SMIM10L1: variants seen among roughly 807,000 people sequenced by gnomAD.
The protein encoded by SMIM10L1 is small integral membrane protein 10 like 1.
Under a neutral mutation model 4.5 loss-of-function variants are expected in SMIM10L1, and 6 were observed. The observed-to-expected ratio is 1.33, with a 90% CI of 0.73 to 2.62. The LOEUF (loss-of-function observed/expected upper bound fraction) is 2.62, where lower values mean the gene tolerates loss of function less well. SMIM10L1 is among the 30% of genes most tolerant of loss of function. The probability of loss-of-function intolerance (pLI) is 0.00; values close to 1 mark genes in which losing one functional copy is unlikely to be tolerated. For missense variants in SMIM10L1, 66 were observed against 86.2 expected (o/e 0.77, Z 0.93); for synonymous variants, 49 against 42.2 (o/e 1.16, Z -0.63).
rs1177101396 is a variant in SMIM10L1, at chr12:11,172,540, G to A, written c.*977G>A. 6.6e-6 allele frequency: 1 copy of A among 152,084 alleles called. No homozygotes were observed. Among genetic ancestry groups the A allele is most frequent in the East Asian group, 1.9e-4 (1 of 5,190 alleles). The allele number at this position is 152,084 out of a possible 1,614,324, so 9.4% of individuals were successfully genotyped here. ...TCTAAAACGGTAATATATTAAAGAG[G>A]GAGAGTGGTAGGGGAGAACAGTATG... On this transcript the variant is annotated 3_prime_UTR_variant, in exon 1 of 1. Coordinates refer to ENST00000622602, the MANE Select transcript of SMIM10L1 (RefSeq NM_001271592.2).
In SMIM10L1 at chr12:11,175,400, A is replaced by G. The variant is rs1376304765; in HGVS notation, c.*3837A>G. The G allele has an allele frequency of 1.5e-4, 23 of 152,324 alleles. No individual in the cohort carries two copies. Among genetic ancestry groups the G allele is most frequent in the Non-Finnish European group, 5.9e-5 (4 of 68,016 alleles). The allele number at this position is 152,324 out of a possible 1,614,324, so 9.4% of individuals were successfully genotyped here. On this transcript the variant is annotated 3_prime_UTR_variant, in exon 1 of 1. Coordinates refer to ENST00000622602, the MANE Select transcript of SMIM10L1 (RefSeq NM_001271592.2). Reference sequence around the variant, plus strand: ...GCTTTTAATGGGAGATCTTTCTGGCAGGACATCAATAGCTTTTGATAGCGT... The same window carrying G: ...GCTTTTAATGGGAGATCTTTCTGGCGGGACATCAATAGCTTTTGATAGCGT...
At position 11,174,035 on chromosome 12, in the gene SMIM10L1, G is replaced by A. The variant is rs931234794; in HGVS notation, c.*2472G>A. On this transcript the variant is annotated 3_prime_UTR_variant, in exon 1 of 1. Transcript: ENST00000622602. ...TAAAGTTACAGCTTACATTTACCTC[G>A]TAATATATGTATATATATATATTAG... The A allele has an allele frequency of 1.2e-4, 17 of 142,608 alleles. No individual in the cohort carries two copies. The highest frequency in any genetic ancestry group is 4.4e-4 in the South Asian group (2 of 4,534). 8.8% of individuals were successfully genotyped at this position (142,608 alleles called of 1,614,324 possible).
In SMIM10L1 at chr12:11,172,095, A is replaced by C. The variant is rs1947868127; in HGVS notation, c.*532A>C. 1.3e-5 allele frequency: 2 copies of C among 152,232 alleles called. No homozygotes were observed. The highest frequency in any genetic ancestry group is 2.4e-5 in the African/African-American group (1 of 41,466). 9.4% of individuals were successfully genotyped at this position (152,232 alleles called of 1,614,324 possible). The stretch of plus-strand genomic sequence containing the variant: ...TGTACAGGAAAATCATCCTCCAAGT[A>C]CCAGACATAAAATGCTGCAAGCTTT... On this transcript the variant is annotated 3_prime_UTR_variant, in exon 1 of 1. Transcript: ENST00000622602.
At position 11,172,878 on chromosome 12, in the gene SMIM10L1, A is replaced by C. The variant is rs563672928; in HGVS notation, c.*1315A>C. ...TACTGATTTTACAACAAATGATTCT[A>C]TAACGCTGGGAGGATGGGAGAAAAG... On this transcript the variant is annotated 3_prime_UTR_variant, in exon 1 of 1. Coordinates refer to ENST00000622602, the MANE Select transcript of SMIM10L1 (RefSeq NM_001271592.2). The C allele has an allele frequency of 6.6e-6, 1 of 152,236 alleles. No individual in the cohort carries two copies. The highest frequency in any genetic ancestry group is 6.5e-5 in the Admixed American group (1 of 15,286). 9.4% of individuals were successfully genotyped at this position (152,236 alleles called of 1,614,324 possible). A position where few individuals can be genotyped will look rare whatever the true frequency, so the allele number is the denominator to read the frequency against.
rs1464887320 is a variant in SMIM10L1, at chr12:11,174,419, CAT to C, written c.*2861_*2862del. On this transcript the variant is annotated 3_prime_UTR_variant, in exon 1 of 1. Coordinates refer to ENST00000622602, the MANE Select transcript of SMIM10L1 (RefSeq NM_001271592.2). ...CATAGTCAGCAGTCAATAAAGGAAA[CAT>C]ATATTCGTTCCTGATAATAAGATGA... The C allele has an allele frequency of 3.3e-5, 5 of 152,052 alleles. No individual in the cohort carries two copies. Among genetic ancestry groups the C allele is most frequent in the African/African-American group, 7.2e-5 (3 of 41,406 alleles). The allele number at this position is 152,052 out of a possible 1,614,324, so 9.4% of individuals were successfully genotyped here.
chr12:11,173,160 A>G lies in SMIM10L1; in HGVS notation c.*1597A>G, dbSNP rs1947892700. The G allele has an allele frequency of 6.6e-6, 1 of 152,088 alleles. No individual in the cohort carries two copies. The highest frequency in any genetic ancestry group is 1.5e-5 in the Non-Finnish European group (1 of 68,014). 9.4% of individuals were successfully genotyped at this position (152,088 alleles called of 1,614,324 possible). A position where few individuals can be genotyped will look rare whatever the true frequency, so the allele number is the denominator to read the frequency against. ...AAATAGTTGCATTGTTCTATATTCC[A>G]CTCATTGTGTCCAGCAAACAGTGTT... On this transcript the variant is annotated 3_prime_UTR_variant, in exon 1 of 1. Coordinates refer to ENST00000622602, the MANE Select transcript of SMIM10L1 (RefSeq NM_001271592.2).
rs1231682325 is a variant in SMIM10L1, at chr12:11,173,001, CTAA to C, written c.*1445_*1447del. ...ACATGTTTTCTTCGGATTAAAAAAA[CTAA>C]TAATAAATCACCAAGAGTGGTAAAG... On this transcript the variant is annotated 3_prime_UTR_variant, in exon 1 of 1. Transcript: ENST00000622602. The C allele has an allele frequency of 6.6e-6, 1 of 150,804 alleles. No homozygotes were observed. Among genetic ancestry groups the C allele is most frequent in the Non-Finnish European group, 1.5e-5 (1 of 67,750 alleles). The allele number at this position is 150,804 out of a possible 1,614,324, so 9.3% of individuals were successfully genotyped here. A position where few individuals can be genotyped will look rare whatever the true frequency, so the allele number is the denominator to read the frequency against.
rs1306180264 is a variant in SMIM10L1, at chr12:11,173,560, T to G, written c.*1997T>G. The G allele has an allele frequency of 6.6e-6, 1 of 152,172 alleles. No homozygotes were observed. The highest frequency in any genetic ancestry group is 2.4e-5 in the African/African-American group (1 of 41,450). 9.4% of individuals were successfully genotyped at this position (152,172 alleles called of 1,614,324 possible). On this transcript the variant is annotated 3_prime_UTR_variant, in exon 1 of 1. Transcript: ENST00000622602. ...AATATCAGAAGTGTAGTTTAATCAA[T>G]GAAATAGTAATACCAAGGGATTTAG...
chr12:11,171,774 A>G lies in SMIM10L1; in HGVS notation c.*211A>G, dbSNP rs1947859001. 2 of 385,216 alleles carry G rather than the reference A, an allele frequency of 5.2e-6. No individual in the cohort carries two copies. The highest frequency in any genetic ancestry group is 3.7e-5 in the East Asian group (1 of 26,986). 23.9% of individuals were successfully genotyped at this position (385,216 alleles called of 1,614,324 possible). A position where few individuals can be genotyped will look rare whatever the true frequency, so the allele number is the denominator to read the frequency against. On this transcript the variant is annotated 3_prime_UTR_variant, in exon 1 of 1. Coordinates refer to ENST00000622602, the MANE Select transcript of SMIM10L1 (RefSeq NM_001271592.2). ...AGAAAGAGAATACGCTGTTCCGGAA[A>G]CAGAACTGCAGTTAAGACCCTCGAA...
Position 11,171,745 on chromosome 12 carries a change from C to T in SMIM10L1, c.*182C>T, listed in dbSNP as rs1047709. On this transcript the variant is annotated 3_prime_UTR_variant, in exon 1 of 1. Transcript: ENST00000622602. ...CAGGGGGCGGCCGGGAGCCTACAAT[C>T]CCTAGAAAGAGAATACGCTGTTCCG... 229,854 of 402,994 alleles carry T rather than the reference C, an allele frequency of 0.57. 69,373 individuals carry two copies. The highest frequency in any genetic ancestry group is 0.75 in the East Asian group (20,914 of 27,834). 25.0% of individuals were successfully genotyped at this position (402,994 alleles called of 1,614,324 possible). A position where few individuals can be genotyped will look rare whatever the true frequency, so the allele number is the denominator to read the frequency against.
chr12:11,171,332 C>T lies in SMIM10L1; in HGVS notation c.-25C>T. 1 of 1,227,984 alleles carries T rather than the reference C, an allele frequency of 8.1e-7. No individual in the cohort carries two copies. The allele number at this position is 1,227,984 out of a possible 1,614,324, so 76.1% of individuals were successfully genotyped here. ...CCTGCGGCAACCCTCGCTACAGACGCTGGGCGGGCGGCGACACCTGGCTCA... is the reference window on the plus strand; with the variant it reads ...CCTGCGGCAACCCTCGCTACAGACGTTGGGCGGGCGGCGACACCTGGCTCA... On this transcript the variant is annotated 5_prime_UTR_variant, in exon 1 of 1. Transcript: ENST00000622602.
chr12:11,174,623 C>T lies in SMIM10L1; in HGVS notation c.*3060C>T, dbSNP rs1198138611. The T allele has an allele frequency of 6.8e-6, 1 of 147,478 alleles. No individual in the cohort carries two copies. Among genetic ancestry groups the T allele is most frequent in the Non-Finnish European group, 1.5e-5 (1 of 67,036 alleles). 9.1% of individuals were successfully genotyped at this position (147,478 alleles called of 1,614,324 possible). A position where few individuals can be genotyped will look rare whatever the true frequency, so the allele number is the denominator to read the frequency against. Reference sequence around the variant, plus strand: ...AACGATGCGTTACAGCTTATTTTAACTATAAAAGGAAAACAGTGAACATAG... The same window carrying T: ...AACGATGCGTTACAGCTTATTTTAATTATAAAAGGAAAACAGTGAACATAG... On this transcript the variant is annotated 3_prime_UTR_variant, in exon 1 of 1. Coordinates refer to ENST00000622602, the MANE Select transcript of SMIM10L1 (RefSeq NM_001271592.2).
rs1230310977 is a variant in SMIM10L1 at position 11,172,988 on chromosome 12, C to T, written c.*1425C>T. 1.3e-5 allele frequency: 2 copies of T among 151,006 alleles called. No individual in the cohort carries two copies. Among genetic ancestry groups the T allele is most frequent in the African/African-American group, 2.4e-5 (1 of 41,028 alleles). The allele number at this position is 151,006 out of a possible 1,614,324, so 9.4% of individuals were successfully genotyped here. A position where few individuals can be genotyped will look rare whatever the true frequency, so the allele number is the denominator to read the frequency against. On this transcript the variant is annotated 3_prime_UTR_variant, in exon 1 of 1. Coordinates refer to ENST00000622602, the MANE Select transcript of SMIM10L1 (RefSeq NM_001271592.2). Reference sequence around the variant, plus strand: ...AAAAGGAGTATACACATGTTTTCTTCGGATTAAAAAAACTAATAATAAATC... The same window carrying T: ...AAAAGGAGTATACACATGTTTTCTTTGGATTAAAAAAACTAATAATAAATC...
chr12:11,171,558 A>G lies in SMIM10L1; in HGVS notation c.202A>G (p.Ile68Val). ...CCTCAACATCCGATTGCAGGTACAT[A>G]TTTAGAGCCATGACTAAGCTAACGG... ...VILNIRLQVH[I>V] The change falls in exon 1 of 1, where the codon ATT (isoleucine) becomes GTT (valine). Residue 68 changes from isoleucine (I) to valine (V), a missense_variant. Ile to Val is a conservative substitution (Grantham distance 29). Transcript: ENST00000622602. The G allele has an allele frequency of 9.7e-6, 12 of 1,232,040 alleles. No homozygotes were observed. Among genetic ancestry groups the G allele is most frequent in the Non-Finnish European group, 1.1e-5 (11 of 987,968 alleles). The allele number at this position is 1,232,040 out of a possible 1,614,324, so 76.3% of individuals were successfully genotyped here.
Position 11,173,349 on chromosome 12 carries a change from T to G in SMIM10L1, c.*1786T>G, listed in dbSNP as rs2136496452. 1 of 152,306 alleles carries G rather than the reference T, an allele frequency of 6.6e-6. No homozygotes were observed. Among genetic ancestry groups the G allele is most frequent in the East Asian group, 1.9e-4 (1 of 5,178 alleles). The allele number at this position is 152,306 out of a possible 1,614,324, so 9.4% of individuals were successfully genotyped here. On this transcript the variant is annotated 3_prime_UTR_variant, in exon 1 of 1. Transcript: ENST00000622602. ...GATACTCTGTGTTTTAAAGCTAAGC[T>G]TAGGTGGCGCTTTTTCCATTAAATT...
rs1375793708 is a variant in SMIM10L1 at position 11,171,585 on chromosome 12, C to T, written c.*22C>T. The T allele has an allele frequency of 1.6e-6, 2 of 1,229,478 alleles. No individual in the cohort carries two copies. The highest frequency in any genetic ancestry group is 1.6e-5 in the African/African-American group (1 of 64,366). 76.2% of individuals were successfully genotyped at this position (1,229,478 alleles called of 1,614,324 possible). On this transcript the variant is annotated 3_prime_UTR_variant, in exon 1 of 1. Coordinates refer to ENST00000622602, the MANE Select transcript of SMIM10L1 (RefSeq NM_001271592.2). ...TTAGAGCCATGACTAAGCTAACGGCCTCCGGGGCCAGCATGATGGCCGACT... is the reference window on the plus strand; with the variant it reads ...TTAGAGCCATGACTAAGCTAACGGCTTCCGGGGCCAGCATGATGGCCGACT...
Position 11,173,837 on chromosome 12 carries a change from T to A in SMIM10L1, c.*2274T>A, listed in dbSNP as rs1947907762. ...GGGAAGACACTATATCCTATTCAAT[T>A]TTACACCCGGTAGTAACAGTATGTG... On this transcript the variant is annotated 3_prime_UTR_variant, in exon 1 of 1. Transcript: ENST00000622602. 1.3e-5 allele frequency: 2 copies of A among 152,012 alleles called. No individual in the cohort carries two copies. Among genetic ancestry groups the A allele is most frequent in the Admixed American group, 1.3e-4 (2 of 15,248 alleles). 9.4% of individuals were successfully genotyped at this position (152,012 alleles called of 1,614,324 possible).
At position 11,171,698 on chromosome 12, in the gene SMIM10L1, C is replaced by G. The variant is rs1457963937; in HGVS notation, c.*135C>G. On this transcript the variant is annotated 3_prime_UTR_variant, in exon 1 of 1. Coordinates refer to ENST00000622602, the MANE Select transcript of SMIM10L1 (RefSeq NM_001271592.2). ...CTCAGGCGCTCTTCGTGGCTGCCCT[C>G]TTAGCTGCTAGCGGAGCTCCTCAGG... is the stretch of plus-strand genomic sequence containing the variant. The G allele has an allele frequency of 1.7e-6, 1 of 580,138 alleles. No homozygotes were observed. Among genetic ancestry groups the G allele is most frequent in the Non-Finnish European group, 2.5e-6 (1 of 392,942 alleles). The allele number at this position is 580,138 out of a possible 1,614,324, so 35.9% of individuals were successfully genotyped here.
chr12:11,175,682 T>G lies in SMIM10L1; in HGVS notation c.*4119T>G, dbSNP rs1947936915. 6.6e-6 allele frequency: 1 copy of G among 152,194 alleles called. No homozygotes were observed. Among genetic ancestry groups the G allele is most frequent in the African/African-American group, 2.4e-5 (1 of 41,448 alleles). The allele number at this position is 152,194 out of a possible 1,614,324, so 9.4% of individuals were successfully genotyped here. ...CTTGGGTTACCTTGAGTGTGGGGAT[T>G]CTTCTTGCAGTTTTAACACTTGTAC... On this transcript the variant is annotated 3_prime_UTR_variant, in exon 1 of 1. Transcript: ENST00000622602.
Sources: gnomAD v4.1 joint callset for allele counts on GRCh38, gnomAD v4.1.1 for gene constraint, MANE v1.5 for transcripts, NCBI Gene and HGNC (gene_info 2026-07-23, HGNC 2026-07-21) for gene names.